OGA: variants seen among roughly 807,000 people sequenced by gnomAD.
The protein encoded by OGA is O-GlcNAcase.
Under a neutral mutation model 102.0 loss-of-function variants are expected in OGA, and 21 were observed. That is an observed-to-expected ratio of 0.21 (90% CI 0.15 to 0.30). OGA has a LOEUF of 0.30. Ranked by LOEUF, OGA falls within the 10% of genes least tolerant of loss-of-function variation. The probability of loss-of-function intolerance (pLI) is 1.00; values close to 1 mark genes in which losing one functional copy is unlikely to be tolerated. For synonymous variants in OGA, 408 were observed against 378.2 expected (o/e 1.08, Z -0.91); for missense variants, 765 against 1,107.8 (o/e 0.69, Z 4.39).
chr10:101,786,469 T>G lies in OGA; in HGVS notation c.2733A>C (p.Ile911=), dbSNP rs769522659. The G allele has an allele frequency of 6.2e-7, 1 of 1,609,782 alleles. No homozygotes were observed. The highest frequency in any genetic ancestry group is 1.7e-4 in the Middle Eastern group (1 of 6,056). The change falls in exon 16 of 16, where the codon ATA becomes ATC. Residue 911 remains isoleucine, a synonymous_variant. Coordinates refer to ENST00000361464, the MANE Select transcript of OGA (RefSeq NM_012215.5). ...KMEGFPKDVV[I]LGRSL ...ACAAATGTCACAGGCTCCGACCAAG[T>G]ATAACCACATCCTTTGGAAATCCTT...
chr10:101,801,388 G>A (rs1045347068), intron 7 of OGA, among the ~76,000 whole-genome samples: 3 of 143,610 alleles, frequency 2.1e-5, no homozygotes, highest in Non-Finnish European at 1.5e-5. Flanking sequence ...GCAAGACTCC[G>A]TCTCAGAAAA....
At chr10:101,791,538 G>T in intron 12 of OGA, 99 bp from the exon 13 acceptor site, 1 of 833,454 alleles carries the variant, frequency 1.2e-6, no homozygotes, top group South Asian at 1.5e-5. Flanking sequence ...TAACAAAATG[G>T]CCTGTCAGAA....
intron 12 of OGA, among the ~76,000 whole-genome samples, chr10:101,791,692 CAA>C (rs2065260533): frequency 6.6e-6 from 1 of 152,192 alleles, no homozygotes; most frequent in African/African-American, 2.4e-5. Context: ...TTTTTTGAGA[CAA>C]AGTCTTGCTG....
chr10:101,805,270 CCTCAGGCTCCCCA>C (rs1430635269), intron 6 of OGA, among the ~76,000 whole-genome samples: 4 of 152,250 alleles, frequency 2.6e-5, no homozygotes, highest in South Asian at 2.1e-4. Flanking sequence ...GGGGCTTCCA[CCTCAGGCTCCCCA>C]CTCAGGCTCC....
intron 4 of OGA, 76 bp from the exon 5 acceptor site, chr10:101,807,977 C>G (rs2135080751): frequency 1.7e-6 from 2 of 1,174,100 alleles, no homozygotes; most frequent in Non-Finnish European, 1.1e-6. Context: ...AACAGTTATA[C>G]TTAAAATCCA....
In OGA at chr10:101,799,025, T is replaced by G. The variant is rs1006268002; in HGVS notation, c.1626A>C (p.Pro542=). The G allele has an allele frequency of 1.1e-5, 17 of 1,614,128 alleles. No individual in the cohort carries two copies. The highest frequency in any genetic ancestry group is 6.7e-5 in the East Asian group (3 of 44,900). Residue 542 remains proline, a synonymous_variant, in exon 9 of 16, where the codon CCA becomes CCC. Transcript: ENST00000361464. The stretch of plus-strand genomic sequence containing the variant: ...CCGCAGTGTACAAAGGCTTTTCATT[T>G]GGACCTGGCACAAACTGCTCCTTGT... ...QTNKEQFVPG[P]NEKPLYTAEP... is the part of the protein sequence containing the mutation.
chr10:101,808,825 C>T (rs2065509546), intron 4 of OGA, among the ~76,000 whole-genome samples: 1 of 152,068 alleles, frequency 6.6e-6, no homozygotes, highest in Non-Finnish European at 1.5e-5. Context: ...AAAAAATTAG[C>T]CAGGTGTGGT....
In OGA at chr10:101,785,815, G is replaced by T. The variant is rs1366811819; in HGVS notation, c.*636C>A. 1.1e-4 allele frequency: 16 copies of T among 152,268 alleles called. No homozygotes were observed. The highest frequency in any genetic ancestry group is 2.4e-4 in the Non-Finnish European group (16 of 68,028). The allele number at this position is 152,268 out of a possible 1,614,324, so 9.4% of individuals were successfully genotyped here. On this transcript the variant is annotated 3_prime_UTR_variant, in exon 16 of 16. Transcript: ENST00000361464. ...AAATTTACAAGTTTGTCAATTGTAG[G>T]CTTTTGCCACAAACAAATGCACATT...
At position 101,818,106 on chromosome 10, in the gene OGA, G is replaced by C. The variant is rs1421863457; in HGVS notation, c.-84C>G. On this transcript the variant is annotated 5_prime_UTR_variant, in exon 1 of 16. Transcript: ENST00000361464. ...GCACCGGCCCGGAGCCCTGGAGAGG[G>C]CTTCAGCTCCAAGTGTGCGCCCCTC... 4 of 1,425,476 alleles carry C rather than the reference G, an allele frequency of 2.8e-6. No individual in the cohort carries two copies. The African/African-American group carries it at 5.9e-5, about 21-fold the overall frequency. The allele number at this position is 1,425,476 out of a possible 1,614,324, so 88.3% of individuals were successfully genotyped here.
chr10:101,807,809 A>G lies in OGA; in HGVS notation c.573T>C (p.Phe191=). 1 of 1,612,402 alleles carries G rather than the reference A, an allele frequency of 6.2e-7. No homozygotes were observed. The highest frequency in any genetic ancestry group is 8.5e-7 in the Non-Finnish European group (1 of 1,179,100). Reference sequence around the variant, plus strand: ...TTGTGATGGAGACTTGGGCATGAGCAAAAGAACTGAATACCTCTTTGTCTG... The same window carrying G: ...TTGTGATGGAGACTTGGGCATGAGCGAAAGAACTGAATACCTCTTTGTCTG... ...CAADKEVFSS[F]AHAQVSITNE... The change falls in exon 5 of 16, where the codon TTT becomes TTC. Residue 191 remains phenylalanine (F), a synonymous_variant. Transcript: ENST00000361464.
chr10:101,792,703 A>G (rs1249893643), intron 12 of OGA, 136 bp downstream of exon 12: 1 of 614,376 alleles, frequency 1.6e-6, no homozygotes, highest in Non-Finnish European at 2.9e-6. Flanking sequence ...GATACACTGA[A>G]TGTTTTAATG....
chr10:101,817,585 G>C (rs1245214895), intron 1 of OGA, among the ~76,000 whole-genome samples: 1 of 152,122 alleles, frequency 6.6e-6, no homozygotes, highest in African/African-American at 2.4e-5. Flanking sequence ...AGGTGGCCTG[G>C]CTCCAAGCCC....
chr10:101,809,720 AG>A (rs1204247298), intron 4 of OGA, among the ~76,000 whole-genome samples: 124 of 150,692 alleles, frequency 8.2e-4, no homozygotes, highest in African/African-American at 2.9e-3. Flanking sequence ...AAAAAAAAAA[AG>A]AAAAAAAAAG....
intron 14 of OGA, among the ~76,000 whole-genome samples, chr10:101,788,484 C>T (rs1420433741): frequency 2.7e-5 from 4 of 150,402 alleles, no homozygotes; most frequent in Non-Finnish European, 4.4e-5. Flanking sequence ...CACTTGTAAT[C>T]CCAGAACTTT....
At chr10:101,794,229 A>G in intron 10 of OGA, 1 of 271,434 alleles carries the variant, frequency 3.7e-6, no homozygotes, top group Non-Finnish European at 6.9e-6. Flanking sequence ...TCTACTCTTT[A>G]ATTACTGGAA....
At chr10:101,793,687 T>C (rs1270140998) in intron 11 of OGA, 1 of 453,742 alleles carries the variant, frequency 2.2e-6, no homozygotes, top group Non-Finnish European at 4.0e-6. Context: ...AGTGTATACC[T>C]AGAGCCGCTG....
At position 101,818,107 on chromosome 10, in the gene OGA, C is replaced by A. The variant is rs891373502; in HGVS notation, c.-85G>T. The stretch of plus-strand genomic sequence containing the variant: ...CACCGGCCCGGAGCCCTGGAGAGGG[C>A]TTCAGCTCCAAGTGTGCGCCCCTCC... On this transcript the variant is annotated 5_prime_UTR_variant, in exon 1 of 16. Transcript: ENST00000361464. The A allele has an allele frequency of 9.8e-6, 14 of 1,425,206 alleles. No homozygotes were observed. Among genetic ancestry groups the A allele is most frequent in the Non-Finnish European group, 1.2e-5 (13 of 1,089,332 alleles). 88.3% of individuals were successfully genotyped at this position (1,425,206 alleles called of 1,614,324 possible).
intron 4 of OGA, among the ~76,000 whole-genome samples, chr10:101,808,460 C>T (rs912416211): frequency 8.5e-5 from 13 of 152,158 alleles, no homozygotes; most frequent in Admixed American, 8.5e-4. Context: ...AAAAGCCAGG[C>T]TGTGTCCTAG....
chr10:101,792,395 C>A (rs1204970193), intron 12 of OGA, among the ~76,000 whole-genome samples: 1 of 152,218 alleles, frequency 6.6e-6, no homozygotes, highest in Non-Finnish European at 1.5e-5. Context: ...CCCACCTCGG[C>A]CTCCCAAAGT....
Sources: allele counts gnomAD v4.1 joint callset (sites outside exome capture counted in the v4.1 genomes callset), GRCh38; gene constraint gnomAD v4.1.1; transcripts MANE v1.5; gene names NCBI Gene and HGNC (gene_info 2026-07-23, HGNC 2026-07-21).